The following PLG variants were observed in gnomAD, a reference collection of about 807,000 sequenced individuals.
The protein encoded by PLG is plasminogen.
Under a neutral mutation model 104.4 loss-of-function variants are expected in PLG, and 41 were observed. The ratio of observed to expected loss-of-function variants is 0.39; its 90% CI spans 0.31 to 0.51. The LOEUF is 0.51. Among genes scored for constraint, PLG ranks in the 20% least tolerant of loss-of-function variants. The pLI is 0.76. For missense variants in PLG, 891 were observed against 1,003.6 expected (o/e 0.89, Z 1.52); for synonymous variants, 337 against 357.1 (o/e 0.94, Z 0.63).
intron 10 of PLG, among the ~76,000 whole-genome samples, chr6:160,729,578 A>G (rs1777966788): frequency 6.6e-6 from 1 of 152,232 alleles, no homozygotes; most frequent in Non-Finnish European, 1.5e-5. Context: ...GATCCTCTCA[A>G]ATAGGATGGA....
At chr6:160,709,846 A>G (rs527511523) in intron 3 of PLG, among the ~76,000 whole-genome samples, 48 of 152,360 alleles carry the variant, frequency 3.2e-4, no homozygotes, top group African/African-American at 1.1e-3. Flanking sequence ...TCCCCATGTG[A>G]TTGATCAATT....
At chr6:160,730,004 G>A (rs1340020859) in intron 10 of PLG, among the ~76,000 whole-genome samples, 1 of 152,198 alleles carries the variant, frequency 6.6e-6, no homozygotes. Flanking sequence ...TAGATCACAT[G>A]TGTAGAGTCG....
At position 160,731,081 on chromosome 6, in the gene PLG, A is replaced by C; in HGVS notation, c.1287A>C (p.Pro429=). ...AGLTMNYCRN[P]DADKGPWCFT... ...TGACAATGAACTACTGCAGGAATCC[A>C]GATGCCGATAAAGGCCCCTGGTGTT... Residue 429 remains proline, a synonymous_variant, in exon 11 of 19, where the codon CCA becomes CCC. Coordinates refer to ENST00000308192, the MANE Select transcript of PLG (RefSeq NM_000301.5). The surrounding 1 kb of genome is among the most constrained non-coding windows in gnomAD (Gnocchi z 5.1). 1 of 1,614,098 alleles carries C rather than the reference A, an allele frequency of 6.2e-7. No homozygotes were observed. The highest frequency in any genetic ancestry group is 8.5e-7 in the Non-Finnish European group (1 of 1,179,968).
At position 160,718,277 on chromosome 6, in the gene PLG, T is replaced by C; in HGVS notation, c.788-17T>C. ...AAAAATATATATATTCATTGTAACT[T>C]ATTTTGCCCATTCAAGCAACACCTC... On this transcript the variant is annotated splice_polypyrimidine_tract_variant and intron_variant, in intron 7 of 18. Coordinates refer to ENST00000308192, the MANE Select transcript of PLG (RefSeq NM_000301.5). 1 of 1,606,802 alleles carries C rather than the reference T, an allele frequency of 6.2e-7. No homozygotes were observed. The highest frequency in any genetic ancestry group is 8.5e-7 in the Non-Finnish European group (1 of 1,173,394).
At chr6:160,751,330 G>A (rs1040476696) in intron 17 of PLG, among the ~76,000 whole-genome samples, 2 of 152,198 alleles carry the variant, frequency 1.3e-5, no homozygotes, top group African/African-American at 4.8e-5. Flanking sequence ...GGCTCAGGCT[G>A]AACTACACAA....
chr6:160,715,371 C>T (rs1582936029), intron 6 of PLG, among the ~76,000 whole-genome samples: 1 of 152,246 alleles, frequency 6.6e-6, no homozygotes, highest in East Asian at 1.9e-4. Context: ...AACCTTTGAC[C>T]TATGAGCAGA....
At position 160,738,493 on chromosome 6, in the gene PLG, C is replaced by A; in HGVS notation, c.1803-45C>A. On this transcript the variant is annotated intron_variant, in intron 14 of 18. Transcript: ENST00000308192. The surrounding 1 kb of genome is among the most constrained non-coding windows in gnomAD (Gnocchi z 6.8). ...TGGCTTTCTGTACAATGGAGCAGAA[C>A]AAAGTATCAATTTAACTAAAATTTG... is the stretch of plus-strand genomic sequence containing the variant. The A allele has an allele frequency of 8.7e-7, 1 of 1,152,362 alleles. No individual in the cohort carries two copies. The highest frequency in any genetic ancestry group is 1.5e-5 in the African/African-American group (1 of 66,184). The allele number at this position is 1,152,362 out of a possible 1,614,324, so 71.4% of individuals were successfully genotyped here. A position where few individuals can be genotyped will look rare whatever the true frequency, so the allele number is the denominator to read the frequency against.
intron 17 of PLG, among the ~76,000 whole-genome samples, chr6:160,743,209 A>G (rs1001952909): frequency 6.6e-6 from 1 of 152,156 alleles, no homozygotes; most frequent in Non-Finnish European, 1.5e-5. Flanking sequence ...TATCATTGGC[A>G]GTTTGATAGG....
At chr6:160,717,218 T>G (rs1263771373) in intron 7 of PLG, among the ~76,000 whole-genome samples, 2 of 148,152 alleles carry the variant, frequency 1.3e-5, no homozygotes, top group East Asian at 2.0e-4. Context: ...GTGGTGGGGG[T>G]GGGGAAGAGT....
intron 17 of PLG, among the ~76,000 whole-genome samples, chr6:160,749,953 C>A (rs1314566888): frequency 6.6e-6 from 1 of 151,978 alleles, no homozygotes; most frequent in East Asian, 1.9e-4. Context: ...ATCACATAAC[C>A]AGTTTGTAGC....
intron 3 of PLG, among the ~76,000 whole-genome samples, chr6:160,709,572 C>T (rs1260936424): frequency 6.6e-6 from 1 of 152,214 alleles, no homozygotes; most frequent in African/African-American, 2.4e-5. Context: ...CCCAAGCACA[C>T]ACCCTCCTGC....
chr6:160,746,603 T>C (rs1282502119), intron 17 of PLG, among the ~76,000 whole-genome samples: 1 of 152,234 alleles, frequency 6.6e-6, no homozygotes, highest in Non-Finnish European at 1.5e-5. Context: ...TGATCTTCAT[T>C]CCTATCCATA....
chr6:160,709,812 G>T (rs1344625189), intron 3 of PLG, among the ~76,000 whole-genome samples: 2 of 152,226 alleles, frequency 1.3e-5, no homozygotes, highest in Non-Finnish European at 1.5e-5. Context: ...GCATTAGTTT[G>T]CTGTAGGTAT....
intron 10 of PLG, among the ~76,000 whole-genome samples, chr6:160,727,301 A>G (rs1777935253): frequency 6.6e-6 from 1 of 151,806 alleles, no homozygotes; most frequent in South Asian, 2.1e-4. Context: ...ATATGTTAAT[A>G]TATATTAATA....
chr6:160,707,517 G>A (rs537113514), intron 2 of PLG, among the ~76,000 whole-genome samples, 183 bp from the exon 3 acceptor site: 4 of 152,294 alleles, frequency 2.6e-5, no homozygotes, highest in East Asian at 1.9e-4. Context: ...TTGCTGCCAC[G>A]TTGGTGTATT....
intron 9 of PLG, among the ~76,000 whole-genome samples, chr6:160,722,167 A>G (rs4252115): frequency 0.01 from 1,526 of 152,334 alleles, 31 homozygotes; most frequent in African/African-American, 0.035. Flanking sequence ...ATGTAAGTGC[A>G]ATTTCCAATT....
rs907426666 is a variant in PLG at position 160,734,190 on chromosome 6, G to A, written c.1681+102G>A. 3.5e-5 allele frequency: 24 copies of A among 692,704 alleles called. No homozygotes were observed. In the African/African-American group the frequency reaches 4.1e-4, roughly 12 times the overall value. 42.9% of individuals were successfully genotyped at this position (692,704 alleles called of 1,614,324 possible). A position where few individuals can be genotyped will look rare whatever the true frequency, so the allele number is the denominator to read the frequency against. On this transcript the variant is annotated intron_variant, in intron 13 of 18. Coordinates refer to ENST00000308192, the MANE Select transcript of PLG (RefSeq NM_000301.5). This position sits in a 1 kb window ranked among gnomAD's most constrained non-coding sequence, Gnocchi z 4.4. ...GCAGACTGCTTCTGGGGAGGAGATA[G>A]CTGCCCTCTCCATCAGACCCCACTC...
rs4252172 is a variant in PLG, at chr6:160,741,618, GTC to G, written c.2125+217_2125+218del. On this transcript the variant is annotated intron_variant, in intron 17 of 18. Transcript: ENST00000308192. The surrounding 1 kb of genome is among the most constrained non-coding windows in gnomAD (Gnocchi z 4.7). ...AAAGGGAGGAAAACTGTGTCTTTGA[GTC>G]TCTCTCTCTCTCTCTGTTTTCAGAA... Among the ~76,000 whole-genome samples the G allele has an allele frequency of 3.1e-4, 47 of 149,626 alleles. No individual in the cohort carries two copies. The highest frequency in any genetic ancestry group is 3.4e-4 in the Non-Finnish European group (23 of 67,014).
Position 160,706,483 on chromosome 6 carries a change from A to G in PLG, c.126A>G (p.Gly42=), listed in dbSNP as rs374911072. The G allele has an allele frequency of 2.5e-6, 4 of 1,613,868 alleles. No individual in the cohort carries two copies. The highest frequency in any genetic ancestry group is 1.3e-5 in the African/African-American group (1 of 75,046). ...TCAGTGTCACTAAGAAGCAGCTGGGAGCAGGAAGTATAGAAGAATGTGCAG... is the reference window on the plus strand; with the variant it reads ...TCAGTGTCACTAAGAAGCAGCTGGGGGCAGGAAGTATAGAAGAATGTGCAG... ...SLFSVTKKQL[G]AGSIEECAAK... Residue 42 remains glycine, a synonymous_variant, in exon 2 of 19, where the codon GGA becomes GGG. Coordinates refer to ENST00000308192, the MANE Select transcript of PLG (RefSeq NM_000301.5).
Sources: gnomAD v4.1 joint callset for allele counts (sites outside exome capture counted in the v4.1 genomes callset) on GRCh38, gnomAD v4.1.1 for gene constraint, Gnocchi (gnomAD v3.1) non-coding constraint, MANE v1.5 for transcripts, NCBI Gene and HGNC (gene_info 2026-07-23, HGNC 2026-07-21) for gene names.